Variants in ATRNL1 observed in about 807,000 individuals in gnomAD.
ATRNL1 encodes attractin like 1, also known as attractin-like protein 1.
A neutral mutation model predicts 182.7 loss-of-function variants in ATRNL1; 95 were observed. The ratio of observed to expected loss-of-function variants is 0.52; its 90% CI spans 0.44 to 0.62. The LOEUF (loss-of-function observed/expected upper bound fraction) is 0.62. ATRNL1 is among the 20% of genes least tolerant of loss of function. The probability of loss-of-function intolerance (pLI) is 0.00; values close to 1 mark genes in which losing one functional copy is unlikely to be tolerated. For synonymous variants in ATRNL1, 576 were observed against 568.3 expected (o/e 1.01, Z -0.19); for missense variants, 1,471 against 1,679.5 (o/e 0.88, Z 2.17).
intron 24 of ATRNL1, among the ~76,000 whole-genome samples, chr10:115,503,631 C>A (rs555466305): frequency 6.9e-6 from 1 of 144,458 alleles, no homozygotes; most frequent in Non-Finnish European, 1.5e-5. Flanking sequence ...CAAGCCCAGT[C>A]TTTAAAAAGA....
intron 26 of ATRNL1, among the ~76,000 whole-genome samples, chr10:115,632,579 A>T (rs901788790): frequency 6.6e-6 from 1 of 152,174 alleles, no homozygotes; most frequent in African/African-American, 2.4e-5. Context: ...GATGATTTTG[A>T]TTATCTTGAC....
At chr10:115,193,854 T>C (rs1554890438) in intron 8 of ATRNL1, among the ~76,000 whole-genome samples, 1 of 151,988 alleles carries the variant, frequency 6.6e-6, no homozygotes, top group African/African-American at 2.4e-5. Flanking sequence ...AACTTCCCTC[T>C]TAGTACTGCT....
At chr10:115,517,438 C>T (rs937252082) in intron 24 of ATRNL1, among the ~76,000 whole-genome samples, 2 of 151,828 alleles carry the variant, frequency 1.3e-5, no homozygotes, top group African/African-American at 4.8e-5. Context: ...CTGCTAAAAA[C>T]GTAAAGCTGA....
At chr10:115,212,674 A>G (rs1849077334) in intron 8 of ATRNL1, among the ~76,000 whole-genome samples, 1 of 152,128 alleles carries the variant, frequency 6.6e-6, no homozygotes, top group Non-Finnish European at 1.5e-5. Flanking sequence ...GCCACGAAAA[A>G]GAAAGAGATA....
intron 28 of ATRNL1, among the ~76,000 whole-genome samples, chr10:115,941,205 T>A (rs1182367994): frequency 6.6e-6 from 1 of 152,210 alleles, no homozygotes; most frequent in African/African-American, 2.4e-5. Context: ...TACATTTTAA[T>A]AAGAAATGAC....
intron 27 of ATRNL1, among the ~76,000 whole-genome samples, chr10:115,795,277 C>A (rs1949624507): frequency 6.6e-6 from 1 of 152,156 alleles, no homozygotes; most frequent in Admixed American, 6.5e-5. Context: ...TACTGAACAC[C>A]ATGAGTTTAT....
intron 24 of ATRNL1, among the ~76,000 whole-genome samples, chr10:115,515,318 CTTTTTTTT>C (rs56692263): frequency 8.3e-6 from 1 of 120,206 alleles, no homozygotes; most frequent in African/African-American, 3.2e-5. Context: ...AATAGTTGTT[CTTTTTTTT>C]TTTTTTTTTG....
At chr10:115,895,768 C>A (rs1589660532) in intron 28 of ATRNL1, among the ~76,000 whole-genome samples, 1 of 152,266 alleles carries the variant, frequency 6.6e-6, no homozygotes, top group Non-Finnish European at 1.5e-5. Flanking sequence ...AGAGGGAACA[C>A]CTAATTGTAT....
chr10:115,116,971 A>C (rs1328940097), intron 1 of ATRNL1, among the ~76,000 whole-genome samples: 2 of 152,036 alleles, frequency 1.3e-5, no homozygotes, highest in African/African-American at 4.8e-5. Flanking sequence ...GTAGGGAGGC[A>C]TAACAGTTCC....
chr10:115,417,553 T>C (rs1407899774), intron 20 of ATRNL1, among the ~76,000 whole-genome samples: 3 of 152,174 alleles, frequency 2.0e-5, no homozygotes, highest in Non-Finnish European at 2.9e-5. Context: ...TGTGCAACCA[T>C]CTGAGGAATT....
intron 26 of ATRNL1, among the ~76,000 whole-genome samples, chr10:115,647,785 G>T (rs1175231155): frequency 6.6e-6 from 1 of 152,094 alleles, no homozygotes; most frequent in Non-Finnish European, 1.5e-5. Flanking sequence ...CTTTTGCTCT[G>T]CAGAAGTTCT....
At chr10:115,926,220 G>A (rs781930136) in intron 28 of ATRNL1, among the ~76,000 whole-genome samples, 2 of 152,130 alleles carry the variant, frequency 1.3e-5, no homozygotes. Context: ...TGAGAACAAA[G>A]AGACATCATA....
At chr10:115,816,583 C>A (rs1344153770) in intron 27 of ATRNL1, among the ~76,000 whole-genome samples, 1 of 149,624 alleles carries the variant, frequency 6.7e-6, no homozygotes, top group African/African-American at 2.5e-5. Flanking sequence ...GAGTGAGCGA[C>A]CTGTTTAGAC....
intron 15 of ATRNL1, among the ~76,000 whole-genome samples, chr10:115,299,081 A>G (rs1853344164): frequency 1.3e-5 from 2 of 151,832 alleles, no homozygotes; most frequent in African/African-American, 2.4e-5. Flanking sequence ...GTACTCCATA[A>G]TGTTTAAAAA....
intron 24 of ATRNL1, among the ~76,000 whole-genome samples, chr10:115,471,802 C>T (rs1848324552): frequency 6.6e-6 from 1 of 150,906 alleles, no homozygotes; most frequent in African/African-American, 2.4e-5. Flanking sequence ...GTTGCCTTTT[C>T]AGTTTGTTGA....
In ATRNL1 at chr10:115,503,044, G is replaced by A. The variant is rs533174339; in HGVS notation, c.3655-16219G>A. On this transcript the variant is annotated intron_variant, in intron 24 of 28. Coordinates refer to ENST00000355044, the MANE Select transcript of ATRNL1 (RefSeq NM_207303.4). ...ATCTTTTACCGGGCCTGAAGATAAG[G>A]CTGTAACTGCTTTTAGTGTTTATGC... 1.7e-4 allele frequency among the ~76,000 whole-genome samples: 26 copies of A among 152,194 alleles called. No individual in the cohort carries two copies. The East Asian group carries it at 3.1e-3, about 18-fold the overall frequency.
At chr10:115,665,152 A>G (rs1860928080) in intron 26 of ATRNL1, among the ~76,000 whole-genome samples, 1 of 152,180 alleles carries the variant, frequency 6.6e-6, no homozygotes, top group African/African-American at 2.4e-5. Flanking sequence ...CAGCATTAAA[A>G]TAAAAGTAAT....
intron 10 of ATRNL1, among the ~76,000 whole-genome samples, chr10:115,262,168 C>A (rs1554908993): frequency 1.4e-5 from 2 of 147,646 alleles, no homozygotes; most frequent in Non-Finnish European, 1.5e-5. Flanking sequence ...AGATAGGGGG[C>A]AGTGGATTTT....
rs1555021775 is a variant in ATRNL1 at position 115,619,077 on chromosome 10, G to T, written c.3795+69541G>T. Among the ~76,000 whole-genome samples, 3 of 152,118 alleles carry T rather than the reference G, an allele frequency of 2.0e-5. No individual in the cohort carries two copies. The East Asian group carries it at 5.8e-4, about 29-fold the overall frequency. On this transcript the variant is annotated intron_variant, in intron 26 of 28. Coordinates refer to ENST00000355044, the MANE Select transcript of ATRNL1 (RefSeq NM_207303.4). Reference sequence around the variant, plus strand: ...AGGTAGTCTTCATATGATTTCTTTGGCTGTAATCAACATCAGTTATGTCTG... The same window carrying T: ...AGGTAGTCTTCATATGATTTCTTTGTCTGTAATCAACATCAGTTATGTCTG...
Sources: allele counts gnomAD v4.1 joint callset (sites outside exome capture counted in the v4.1 genomes callset), GRCh38; gene constraint gnomAD v4.1.1; transcripts MANE v1.5; gene names NCBI Gene and HGNC (gene_info 2026-07-23, HGNC 2026-07-21).